The following SGCZ variants were observed in gnomAD, a reference collection of about 807,000 sequenced individuals.
SGCZ encodes sarcoglycan zeta.
Under a neutral mutation model 41.3 loss-of-function variants are expected in SGCZ, and 40 were observed. That is an observed-to-expected ratio of 0.97 (90% confidence interval 0.75 to 1.26). SGCZ has a LOEUF of 1.26. Ranked by LOEUF, SGCZ falls within the 50% of genes most tolerant of loss-of-function variation. The pLI is 0.00. For synonymous variants in SGCZ, 206 were observed against 137.5 expected, an observed-to-expected ratio of 1.50 and a Z score of -3.49; for missense variants, 552 against 369.8, an observed-to-expected ratio of 1.49 and a Z score of -4.04.
At chr8:15,174,226 C>A (rs1799934346) in intron 1 of SGCZ, among the ~76,000 whole-genome samples, 1 of 152,168 alleles carries the variant, frequency 6.6e-6, no homozygotes, top group East Asian at 1.9e-4. Flanking sequence ...AGCAACTAAA[C>A]TGTTACATCA....
chr8:15,097,340 G>T (rs897130938), intron 1 of SGCZ, among the ~76,000 whole-genome samples: 1 of 152,026 alleles, frequency 6.6e-6, no homozygotes, highest in Non-Finnish European at 1.5e-5. Flanking sequence ...CTCTTTACCT[G>T]CAGTAGCTTG....
chr8:14,141,207 A>T (rs1247823368), intron 5 of SGCZ, among the ~76,000 whole-genome samples: 4 of 152,176 alleles, frequency 2.6e-5, no homozygotes, highest in Non-Finnish European at 4.4e-5. Flanking sequence ...TAGACCTAAA[A>T]CCATAAAAAC....
At chr8:14,211,370 C>G (rs1805801727) in intron 4 of SGCZ, among the ~76,000 whole-genome samples, 1 of 152,116 alleles carries the variant, frequency 6.6e-6, no homozygotes, top group Admixed American at 6.5e-5. Context: ...CTACCAGTTT[C>G]CCCTGACACC....
At chr8:15,095,643 T>C (rs1477019146) in intron 1 of SGCZ, among the ~76,000 whole-genome samples, 1 of 152,146 alleles carries the variant, frequency 6.6e-6, no homozygotes, top group Non-Finnish European at 1.5e-5. Context: ...TTGCAATTGT[T>C]TTCTGTTACC....
At chr8:14,875,595 C>T (rs1804327101) in intron 1 of SGCZ, among the ~76,000 whole-genome samples, 1 of 152,144 alleles carries the variant, frequency 6.6e-6, no homozygotes, top group South Asian at 2.1e-4. Flanking sequence ...AAGAAAAGCA[C>T]TGTACCACTT....
chr8:14,761,896 G>A (rs748345618), intron 1 of SGCZ, among the ~76,000 whole-genome samples: 1 of 152,078 alleles, frequency 6.6e-6, no homozygotes, highest in Non-Finnish European at 1.5e-5. Flanking sequence ...ATTTCCATCA[G>A]TAGATTGTCC....
intron 1 of SGCZ, among the ~76,000 whole-genome samples, chr8:14,719,470 A>G (rs1449357519): frequency 3.3e-5 from 5 of 151,400 alleles, no homozygotes; most frequent in Non-Finnish European, 7.4e-5. Context: ...AGTCCCACCA[A>G]TAGTGTAAAA....
chr8:14,614,226 A>C (rs1292315470), intron 1 of SGCZ, among the ~76,000 whole-genome samples: 1 of 152,210 alleles, frequency 6.6e-6, no homozygotes, highest in African/African-American at 2.4e-5. Context: ...AATGAATTAA[A>C]TCTCCAAACC....
intron 1 of SGCZ, among the ~76,000 whole-genome samples, chr8:14,585,620 A>G (rs1449092996): frequency 6.6e-6 from 1 of 152,142 alleles, no homozygotes; most frequent in South Asian, 2.1e-4. Context: ...AAAGGTTATT[A>G]TTTTATGAAA....
At chr8:14,309,511 A>G in intron 3 of SGCZ, 1 of 1,609,196 alleles carries the variant, frequency 6.2e-7, no homozygotes, top group Non-Finnish European at 8.5e-7. Flanking sequence ...ATAAGAGAGC[A>G]GTGTGGACTA....
At chr8:14,576,968 C>A (rs1474763237) in intron 1 of SGCZ, among the ~76,000 whole-genome samples, 1 of 152,118 alleles carries the variant, frequency 6.6e-6, no homozygotes, top group East Asian at 1.9e-4. Context: ...ACCCAAAAGG[C>A]CCTTCATGAA....
intron 1 of SGCZ, among the ~76,000 whole-genome samples, chr8:14,876,820 T>C (rs1298501355): frequency 6.6e-6 from 1 of 152,144 alleles, no homozygotes; most frequent in Non-Finnish European, 1.5e-5. Flanking sequence ...AGCTACCAGA[T>C]GACATTCACT....
At chr8:14,418,601 A>C (rs1799559193) in intron 2 of SGCZ, among the ~76,000 whole-genome samples, 1 of 151,698 alleles carries the variant, frequency 6.6e-6, no homozygotes, top group Admixed American at 6.6e-5. Context: ...GTCAGTTTTC[A>C]AAGTCTGCTA....
intron 2 of SGCZ, among the ~76,000 whole-genome samples, chr8:14,334,799 A>T (rs922388068): frequency 6.6e-6 from 1 of 152,108 alleles, no homozygotes; most frequent in African/African-American, 2.4e-5. Flanking sequence ...AAGGAATCTA[A>T]ATCTATGTTT....
At chr8:14,548,950 G>C (rs1803715090) in intron 2 of SGCZ, among the ~76,000 whole-genome samples, 1 of 152,032 alleles carries the variant, frequency 6.6e-6, no homozygotes, top group Admixed American at 6.6e-5. Flanking sequence ...TGGAAGTCTT[G>C]AAACACAGCT....
intron 1 of SGCZ, among the ~76,000 whole-genome samples, chr8:14,620,079 T>C (rs1486039550): frequency 1.3e-5 from 2 of 152,136 alleles, no homozygotes; most frequent in Non-Finnish European, 2.9e-5. Flanking sequence ...ATGGTACTGG[T>C]ACCAAAACAG....
chr8:14,354,659 T>C lies in SGCZ; in HGVS notation c.235-30455A>G, dbSNP rs533516292. Among the ~76,000 whole-genome samples the C allele has an allele frequency of 1.6e-3, 246 of 151,858 alleles. 2 individuals carry two copies. Among genetic ancestry groups the C allele is most frequent in the African/African-American group, 5.2e-3 (217 of 41,520 alleles). ...TATAAAATTCCTAAGTATATAGGCATTGTTGTTAAATACACACACACACTC... is the reference window on the plus strand; with the variant it reads ...TATAAAATTCCTAAGTATATAGGCACTGTTGTTAAATACACACACACACTC... On this transcript the variant is annotated intron_variant, in intron 2 of 7. Transcript: ENST00000382080.
chr8:14,682,697 G>T (rs1016842724), intron 1 of SGCZ, among the ~76,000 whole-genome samples: 8 of 152,280 alleles, frequency 5.3e-5, no homozygotes, highest in Middle Eastern at 6.8e-3. Flanking sequence ...GCCTCCCAAA[G>T]TGCTGGGATT....
At chr8:14,616,827 C>T (rs996593468) in intron 1 of SGCZ, among the ~76,000 whole-genome samples, 7 of 152,110 alleles carry the variant, frequency 4.6e-5, no homozygotes, top group Non-Finnish European at 2.9e-5. Flanking sequence ...TTAAGATCTC[C>T]ATAAGCCTTA....
Sources: allele counts gnomAD v4.1 joint callset (sites outside exome capture counted in the v4.1 genomes callset), GRCh38; gene constraint gnomAD v4.1.1; transcripts MANE v1.5; gene names NCBI Gene and HGNC (gene_info 2026-07-23, HGNC 2026-07-21).